The following ZNF451 variants were observed in gnomAD, a reference collection of about 807,000 sequenced individuals.
The protein encoded by ZNF451 is E3 SUMO-protein ligase ZNF451.
A neutral mutation model predicts 107.1 loss-of-function variants in ZNF451; 80 were observed. That is an observed-to-expected ratio of 0.75 (90% CI 0.62 to 0.90). The LOEUF is 0.90. ZNF451 is among the 40% of genes least tolerant of loss of function. ZNF451 has a pLI of 0.00. For synonymous variants in ZNF451, 362 were observed against 406.5 expected, an observed-to-expected ratio of 0.89 and a Z score of 1.32; for missense variants, 1,107 against 1,236.2, an observed-to-expected ratio of 0.90 and a Z score of 1.57.
chr6:57,093,034 C>G (rs974572885), intron 2 of ZNF451: 1 of 152,170 alleles, frequency 6.6e-6, no homozygotes, highest in Non-Finnish European at 1.5e-5. Flanking sequence ...GCTGCCATAA[C>G]AAAAACTTCT....
intron 3 of ZNF451, among the ~76,000 whole-genome samples, chr6:57,123,623 T>C (rs1490576023): frequency 6.6e-6 from 1 of 151,960 alleles, no homozygotes; most frequent in Non-Finnish European, 1.5e-5. Context: ...CCATGCAGTA[T>C]ACCCTTGTAA....
intron 3 of ZNF451, chr6:57,106,086 G>A: frequency 1.0e-6 from 1 of 985,244 alleles, no homozygotes; most frequent in Non-Finnish European, 1.2e-6. Flanking sequence ...ATGTCCTTAA[G>A]GACCTGATAC....
At chr6:57,163,002 G>A (rs1267909741) in intron 14 of ZNF451, among the ~76,000 whole-genome samples, 1 of 152,168 alleles carries the variant, frequency 6.6e-6, no homozygotes, top group Non-Finnish European at 1.5e-5. Context: ...CCAAAGGAAT[G>A]TGTTTGTGTT....
intron 14 of ZNF451, among the ~76,000 whole-genome samples, chr6:57,167,340 A>G (rs1763945165): frequency 6.6e-6 from 1 of 152,080 alleles, no homozygotes; most frequent in Non-Finnish European, 1.5e-5. Flanking sequence ...CCTTTGGTCT[A>G]TTTATTCTTG....
intron 13 of ZNF451, chr6:57,159,311 T>A: frequency 1.0e-6 from 1 of 985,444 alleles, no homozygotes; most frequent in Non-Finnish European, 1.2e-6. Context: ...AGGCCTTGCA[T>A]GCAATGATGA....
At chr6:57,151,450 TGTGTCA>T (rs1832345152) in intron 11 of ZNF451, 2 of 150,962 alleles carry the variant, frequency 1.3e-5, no homozygotes, top group Admixed American at 1.3e-4. Context: ...ACACCTAAAA[TGTGTCA>T]GGTGCTTTGG....
chr6:57,159,040 T>C, intron 13 of ZNF451: 1 of 985,472 alleles, frequency 1.0e-6, no homozygotes, highest in Non-Finnish European at 1.2e-6. Context: ...TCTTAAAGTC[T>C]GTCTGCCTGT....
intron 3 of ZNF451, among the ~76,000 whole-genome samples, chr6:57,120,120 T>C (rs1261912425): frequency 1.3e-5 from 2 of 152,224 alleles, no homozygotes; most frequent in Non-Finnish European, 2.9e-5. Flanking sequence ...CTGATCTTAC[T>C]ACAGTTACCG....
At chr6:57,137,674 AT>A (rs1317054204) in intron 7 of ZNF451, among the ~76,000 whole-genome samples, 6 of 152,094 alleles carry the variant, frequency 3.9e-5, no homozygotes, top group Non-Finnish European at 8.8e-5. Flanking sequence ...CCTCAGTGTC[AT>A]TTGTGAGTCT....
intron 3 of ZNF451, chr6:57,100,681 A>G (rs1307044428): frequency 6.5e-7 from 1 of 1,550,152 alleles, no homozygotes; most frequent in Non-Finnish European, 8.7e-7. Context: ...TCCTCTTCCC[A>G]TTGGAGATAG....
Position 57,104,811 on chromosome 6 carries a change from T to G in ZNF451, c.186+5670T>G, listed in dbSNP as rs576862934. ...CCTTTCTTAGTTACTCTAACTGATA[T>G]GCCCAAGTGTCTCCAGATACTCTGT... On this transcript the variant is annotated intron_variant, in intron 3 of 14. Transcript: ENST00000370706. The G allele has an allele frequency of 2.2e-5, 22 of 985,330 alleles. No homozygotes were observed. In the Admixed American group the frequency reaches 1.4e-3, roughly 61 times the overall value. 61.0% of individuals were successfully genotyped at this position (985,330 alleles called of 1,614,324 possible).
chr6:57,137,965 G>A (rs2127970779), intron 7 of ZNF451, among the ~76,000 whole-genome samples: 1 of 152,220 alleles, frequency 6.6e-6, no homozygotes, highest in East Asian at 1.9e-4. Context: ...ATATTTCATT[G>A]TAAGGACATA....
At chr6:57,157,582 G>C (rs1168339528) in intron 13 of ZNF451, among the ~76,000 whole-genome samples, 1 of 152,100 alleles carries the variant, frequency 6.6e-6, no homozygotes, top group Non-Finnish European at 1.5e-5. Flanking sequence ...ATTACGCTAT[G>C]ATATATGTAT....
chr6:57,138,428 A>G (rs1314895872), intron 7 of ZNF451, among the ~76,000 whole-genome samples: 3 of 151,276 alleles, frequency 2.0e-5, no homozygotes, highest in Non-Finnish European at 4.4e-5. Context: ...ACACCCGGCT[A>G]ATTTTTTGTA....
chr6:57,108,515 A>G, intron 3 of ZNF451: 20 of 985,318 alleles, frequency 2.0e-5, no homozygotes, highest in East Asian at 2.3e-4. Context: ...ACAGTTTTCA[A>G]TTCATTTTTT....
chr6:57,109,112 T>G, intron 3 of ZNF451: 1 of 985,456 alleles, frequency 1.0e-6, no homozygotes, highest in South Asian at 4.7e-5. Flanking sequence ...ATTATTTCAC[T>G]TGTCACATCA....
chr6:57,098,290 C>T (rs1207967495), intron 2 of ZNF451, among the ~76,000 whole-genome samples: 1 of 151,728 alleles, frequency 6.6e-6, no homozygotes, highest in Non-Finnish European at 1.5e-5. Context: ...ACCTTGGCCT[C>T]CCAAAGTGGT....
chr6:57,095,793 ATAT>A (rs1330316128), intron 2 of ZNF451, among the ~76,000 whole-genome samples: 2 of 151,134 alleles, frequency 1.3e-5, no homozygotes, highest in Non-Finnish European at 2.9e-5. Context: ...TTCCCTTTAA[ATAT>A]TACTGCAGCT....
At position 57,148,221 on chromosome 6, in the gene ZNF451, A is replaced by G. The variant is rs1473811545; in HGVS notation, c.2136A>G (p.Pro712=). The change falls in exon 10 of 15, where the codon CCA becomes CCG. Residue 712 remains proline, a synonymous_variant. Coordinates refer to ENST00000370706, the MANE Select transcript of ZNF451 (RefSeq NM_001031623.3). ...CAATTAAAACCGAAGATGATTTTCC[A>G]GTAATAGAGACCAGTAACCAGTTAA... ...ETSIKTEDDF[P]VIETSNQLTC... is the part of the protein sequence containing the mutation. 8 of 1,614,034 alleles carry G rather than the reference A, an allele frequency of 5.0e-6. No individual in the cohort carries two copies. Among genetic ancestry groups the G allele is most frequent in the South Asian group, 4.4e-5 (4 of 91,066 alleles).
Sources: gnomAD v4.1 joint callset for allele counts (sites outside exome capture counted in the v4.1 genomes callset) on GRCh38, gnomAD v4.1.1 for gene constraint, MANE v1.5 for transcripts, NCBI Gene and HGNC (gene_info 2026-07-23, HGNC 2026-07-21) for gene names.